The following ENOX2 variants were observed in gnomAD, a reference collection of about 807,000 sequenced individuals.
ENOX2 encodes the protein APK1 antigen.
A neutral mutation model predicts 45.0 loss-of-function variants in ENOX2; 36 were observed. That is an observed-to-expected ratio of 0.80 (90% CI 0.61 to 1.06). The LOEUF (loss-of-function observed/expected upper bound fraction) is 1.06. ENOX2 is among the 50% of genes least tolerant of loss of function. The probability of loss-of-function intolerance (pLI) is 0.00; values close to 1 mark genes in which losing one functional copy is unlikely to be tolerated. For synonymous variants in ENOX2, 174 were observed against 152.3 expected (o/e 1.14, Z -1.05); for missense variants, 423 against 462.5 (o/e 0.91, Z 0.78).
intron 3 of ENOX2, among the ~76,000 whole-genome samples, chrX:130,729,155 A>G (rs948000330): frequency 1.8e-5 from 2 of 111,843 alleles, no homozygotes; most frequent in African/African-American, 6.5e-5. Flanking sequence ...GACTACCCAT[A>G]CAACCCTTAC....
intron 2 of ENOX2, among the ~76,000 whole-genome samples, chrX:130,792,534 C>T (rs970748747): frequency 8.9e-6 from 1 of 112,528 alleles, no homozygotes; most frequent in Non-Finnish European, 1.9e-5. Context: ...GTGGCTCACG[C>T]CTGTAATCCC....
chrX:130,762,909 T>C (rs1053856699), intron 3 of ENOX2, among the ~76,000 whole-genome samples: 1 of 111,657 alleles, frequency 9.0e-6, no homozygotes, highest in Non-Finnish European at 1.9e-5. Flanking sequence ...TATCAATTAT[T>C]GAGAGAGGGA....
At chrX:130,902,186 A>C (rs2079153714) in intron 1 of ENOX2, among the ~76,000 whole-genome samples, 1 of 111,524 alleles carries the variant, frequency 9.0e-6, no homozygotes, top group Non-Finnish European at 1.9e-5. Flanking sequence ...GTTTGTAATA[A>C]TACAATGATT....
chrX:130,638,627 C>G (rs1314655861), intron 10 of ENOX2, among the ~76,000 whole-genome samples: 1 of 111,607 alleles, frequency 9.0e-6, no homozygotes, highest in Non-Finnish European at 1.9e-5. Context: ...ATCAACAACT[C>G]TTTTTATATT....
At chrX:130,853,064 A>G (rs1164169890) in intron 2 of ENOX2, among the ~76,000 whole-genome samples, 2 of 110,397 alleles carry the variant, frequency 1.8e-5, no homozygotes, top group Non-Finnish European at 3.8e-5. Flanking sequence ...GACCCAGGGA[A>G]TGACAAAGTG....
Position 130,670,038 on chromosome X carries a change from C to T in ENOX2, c.621G>A (p.Leu207=), listed in dbSNP as rs1302949716. 1.7e-6 allele frequency: 2 copies of T among 1,211,536 alleles called. No individual in the cohort carries two copies. The highest frequency in any genetic ancestry group is 2.2e-6 in the Non-Finnish European group (2 of 895,176). ...CCACTGGGGGTGGAGATGGTGGACG[C>T]AATCTTTCTTCTTCCATTCTTCTAC... The part of the protein sequence containing the change: ...RHRRRMEEER[L]RPPSPPPVVH... Residue 207 remains leucine (L), a synonymous_variant, in exon 7 of 15, where the codon TTG becomes TTA. Coordinates refer to ENST00000394363, the MANE Select transcript of ENOX2 (RefSeq NM_006375.4).
intron 3 of ENOX2, among the ~76,000 whole-genome samples, chrX:130,764,499 G>GTTTT (rs111932904): frequency 1.0e-5 from 1 of 98,775 alleles, no homozygotes. Flanking sequence ...GTATAGTACA[G>GTTTT]TTTTTTTTTT....
chrX:130,898,656 T>C (rs1331745121), intron 2 of ENOX2, among the ~76,000 whole-genome samples: 3 of 111,245 alleles, frequency 2.7e-5, no homozygotes, highest in Non-Finnish European at 5.6e-5. Flanking sequence ...CAAGGCTACT[T>C]AGTAATCCAT....
In ENOX2 at chrX:130,715,681, A is replaced by AG. The variant is rs753142240; in HGVS notation, c.-38-12428dup. ...TAATGCTGAACGATGCTGAATGAAG[A>AG]GAAAAACAAGTAGGGTTATAACAGT... On this transcript the variant is annotated intron_variant, in intron 3 of 14. Coordinates refer to ENST00000394363, the MANE Select transcript of ENOX2 (RefSeq NM_006375.4). Among the ~76,000 whole-genome samples the AG allele has an allele frequency of 4.5e-3, 505 of 111,157 alleles. 5 individuals are homozygous for AG. The highest frequency in any genetic ancestry group is 0.016 in the African/African-American group (487 of 30,568).
At chrX:130,735,141 G>A (rs1474354050) in intron 3 of ENOX2, among the ~76,000 whole-genome samples, 1 of 112,269 alleles carries the variant, frequency 8.9e-6, no homozygotes, top group Non-Finnish European at 1.9e-5. Flanking sequence ...GGGTTTCCAA[G>A]TACATTTTGT....
intron 3 of ENOX2, among the ~76,000 whole-genome samples, chrX:130,728,752 T>C (rs1015774697): frequency 1.8e-5 from 2 of 111,757 alleles, no homozygotes; most frequent in African/African-American, 6.5e-5. Flanking sequence ...AAAGGGATAC[T>C]TCTAGGGATA....
Position 130,856,885 on chromosome X carries a change from A to G in ENOX2, c.-183+44799T>C, listed in dbSNP as rs1333160690. Among the ~76,000 whole-genome samples the G allele has an allele frequency of 2.7e-5, 3 of 112,046 alleles. No individual in the cohort carries two copies. The East Asian group carries it at 8.4e-4, about 31-fold the overall frequency. On this transcript the variant is annotated intron_variant, in intron 2 of 14. Transcript: ENST00000394363. ...ATATAAATAATATTTGGGTCAAAGAAGAAACCCCACAGGATATGTAAAAGT... is the reference window on the plus strand; with the variant it reads ...ATATAAATAATATTTGGGTCAAAGAGGAAACCCCACAGGATATGTAAAAGT...
chrX:130,791,552 G>A (rs2077042777), intron 2 of ENOX2, among the ~76,000 whole-genome samples: 1 of 111,963 alleles, frequency 8.9e-6, no homozygotes, highest in African/African-American at 3.2e-5. Flanking sequence ...GCGGCTCTCA[G>A]TGAGTCACAA....
At chrX:130,832,432 CACACACAT>C (rs1424532439) in intron 2 of ENOX2, among the ~76,000 whole-genome samples, 15 of 86,363 alleles carry the variant, frequency 1.7e-4, no homozygotes, top group African/African-American at 6.9e-4. Context: ...CACACACACA[CACACACAT>C]ACACACACAC....
intron 3 of ENOX2, among the ~76,000 whole-genome samples, chrX:130,761,921 G>A (rs769761578): frequency 4.5e-4 from 50 of 111,273 alleles, no homozygotes; most frequent in African/African-American, 1.3e-3. Context: ...TGTACTGATA[G>A]CCTCTGTTTC....
intron 3 of ENOX2, among the ~76,000 whole-genome samples, chrX:130,779,061 T>C (rs1158676312): frequency 2.7e-5 from 3 of 112,930 alleles, no homozygotes; most frequent in African/African-American, 9.6e-5. Context: ...GAGTTGGTAT[T>C]TCTGCTTCTA....
At chrX:130,696,749 T>A (rs1036506633) in intron 4 of ENOX2, among the ~76,000 whole-genome samples, 1 of 110,350 alleles carries the variant, frequency 9.1e-6, no homozygotes, top group Non-Finnish European at 1.9e-5. Flanking sequence ...AACTAGAATG[T>A]CACACACACA....
chrX:130,766,294 A>G (rs777960597), intron 3 of ENOX2, among the ~76,000 whole-genome samples: 17 of 111,543 alleles, frequency 1.5e-4, no homozygotes, highest in Admixed American at 8.5e-4. Context: ...CATTTTTTCT[A>G]TGGGACTGCT....
intron 10 of ENOX2, among the ~76,000 whole-genome samples, chrX:130,638,847 C>T (rs1463786492): frequency 9.0e-6 from 1 of 111,219 alleles, no homozygotes. Flanking sequence ...ATTAGCTGGG[C>T]GTGGTGTTGT....
Sources: allele counts gnomAD v4.1 joint callset (sites outside exome capture counted in the v4.1 genomes callset), GRCh38; gene constraint gnomAD v4.1.1; transcripts MANE v1.5; gene names NCBI Gene and HGNC (gene_info 2026-07-23, HGNC 2026-07-21).